The following SEMA5A variants were observed in gnomAD, a reference collection of about 807,000 sequenced individuals.
SEMA5A encodes the protein semaphorin-5A.
SEMA5A carries 55 observed loss-of-function variants against 135.5 expected under a neutral mutation model. That is an observed-to-expected ratio of 0.41 (90% CI 0.33 to 0.51). The LOEUF (loss-of-function observed/expected upper bound fraction) is 0.51, where lower values mean the gene tolerates loss of function less well. Among genes scored for constraint, SEMA5A ranks in the 20% least tolerant of loss-of-function variants. The pLI is 0.37. For missense variants in SEMA5A, 1,290 were observed against 1,419.9 expected, an observed-to-expected ratio of 0.91 and a Z score of 1.47; for synonymous variants, 580 against 546.5, an observed-to-expected ratio of 1.06 and a Z score of -0.85.
chr5:9,432,141 G>T (rs989544205), intron 2 of SEMA5A, among the ~76,000 whole-genome samples: 2 of 149,824 alleles, frequency 1.3e-5, no homozygotes, highest in African/African-American at 4.9e-5. Context: ...TTGGTAAGCG[G>T]AGTGAAATGC....
chr5:9,217,360 C>G, intron 8 of SEMA5A, among the ~76,000 whole-genome samples: 1 of 152,204 alleles, frequency 6.6e-6, no homozygotes, highest in Non-Finnish European at 1.5e-5. Context: ...GAGAGGTCCA[C>G]TGTTAGCCTG....
intron 5 of SEMA5A, among the ~76,000 whole-genome samples, chr5:9,293,308 C>CTGTTGAATATTGAAAATAATA (rs1751178837): frequency 6.6e-6 from 1 of 152,168 alleles, no homozygotes; most frequent in African/African-American, 2.4e-5. Flanking sequence ...ATACTCAAAG[C>CTGTTGAATATTGAAAATAATA]CATCCAGGTA....
intron 18 of SEMA5A, among the ~76,000 whole-genome samples, chr5:9,057,562 C>T (rs1343558996): frequency 6.6e-6 from 1 of 152,186 alleles, no homozygotes; most frequent in African/African-American, 2.4e-5. Flanking sequence ...TATTGTTAAA[C>T]AGAGAGAATG....
rs552407237 is a variant in SEMA5A, at chr5:9,545,060, G to A, written c.-175+524C>T. On this transcript the variant is annotated intron_variant, in intron 1 of 22. Transcript: ENST00000382496. This position sits in a 1 kb window ranked among gnomAD's most constrained non-coding sequence, Gnocchi z 4.5. ...CTTAGTGTCTTTCATTAACCAAGGC[G>A]CTTGGCGGAGTTGAGCCCAAGTCCC... Among the ~76,000 whole-genome samples the A allele has an allele frequency of 1.3e-5, 2 of 152,136 alleles. No homozygotes were observed. The highest frequency in any genetic ancestry group is 2.1e-4 in the South Asian group (1 of 4,834).
intron 2 of SEMA5A, among the ~76,000 whole-genome samples, chr5:9,384,893 A>C (rs1371896384): frequency 6.6e-6 from 1 of 152,224 alleles, no homozygotes; most frequent in Non-Finnish European, 1.5e-5. Context: ...GCAAAATTTC[A>C]AGATATATGA....
At chr5:9,438,240 C>T (rs3798011) in intron 1 of SEMA5A, among the ~76,000 whole-genome samples, 41,312 of 151,916 alleles carry the variant, frequency 0.27, 6,460 homozygotes, top group East Asian at 0.44. Context: ...ACTCATTCCA[C>T]TTTTTGGAAC....
At chr5:9,504,893 T>C (rs1735791964) in intron 1 of SEMA5A, among the ~76,000 whole-genome samples, 1 of 152,254 alleles carries the variant, frequency 6.6e-6, no homozygotes, top group African/African-American at 2.4e-5. Context: ...TTTTTCAATC[T>C]ATCACCTTCT....
intron 8 of SEMA5A, among the ~76,000 whole-genome samples, chr5:9,223,172 T>C (rs1240451051): frequency 6.6e-6 from 1 of 152,218 alleles, no homozygotes; most frequent in Non-Finnish European, 1.5e-5. Context: ...TTCTAGTTAG[T>C]GCTTCAGTTT....
At chr5:9,517,898 G>C (rs1736616663) in intron 1 of SEMA5A, 2 of 152,118 alleles carry the variant, frequency 1.3e-5, no homozygotes, top group Admixed American at 6.6e-5. Context: ...TCTCCCTTCT[G>C]GTCACGGTTT....
chr5:9,484,450 A>C (rs983625328), intron 1 of SEMA5A, among the ~76,000 whole-genome samples: 6 of 152,154 alleles, frequency 3.9e-5, no homozygotes, highest in African/African-American at 1.4e-4. Context: ...GTCAACATCA[A>C]CCCCTTTGAA....
chr5:9,347,599 T>A (rs1753933664), intron 3 of SEMA5A, among the ~76,000 whole-genome samples: 1 of 152,166 alleles, frequency 6.6e-6, no homozygotes, highest in South Asian at 2.1e-4. Flanking sequence ...AATGTATCCA[T>A]AATGTAAATC....
chr5:9,203,936 G>A (rs548374392), intron 8 of SEMA5A, among the ~76,000 whole-genome samples: 45 of 150,178 alleles, frequency 3.0e-4, no homozygotes, highest in Non-Finnish European at 5.9e-4. Context: ...TTACATATCT[G>A]TAACTTGTGT....
At chr5:9,438,051 G>T (rs1163468440) in intron 1 of SEMA5A, among the ~76,000 whole-genome samples, 199 bp from the exon 2 acceptor site, 1 of 152,086 alleles carries the variant, frequency 6.6e-6, no homozygotes, top group Non-Finnish European at 1.5e-5. Context: ...GTGCACTAAT[G>T]GATTCTTTTT....
chr5:9,458,149 C>T (rs1015019123), intron 1 of SEMA5A, among the ~76,000 whole-genome samples: 5 of 151,908 alleles, frequency 3.3e-5, no homozygotes, highest in Non-Finnish European at 7.4e-5. Context: ...CCTCGTGATC[C>T]GCCCGCCTCG....
intron 5 of SEMA5A, among the ~76,000 whole-genome samples, chr5:9,285,150 T>A (rs2150572557): frequency 6.6e-6 from 1 of 152,326 alleles, no homozygotes; most frequent in South Asian, 2.1e-4. Context: ...TTCCACAGTC[T>A]CTTTTTCCTT....
intron 4 of SEMA5A, among the ~76,000 whole-genome samples, chr5:9,334,577 T>C (rs1199108595): frequency 6.6e-6 from 1 of 152,240 alleles, no homozygotes; most frequent in African/African-American, 2.4e-5. Context: ...GGTTATTTTA[T>C]TTCATCTTCG....
intron 16 of SEMA5A, among the ~76,000 whole-genome samples, chr5:9,067,314 G>T (rs1310945547): frequency 6.6e-6 from 1 of 152,094 alleles, no homozygotes; most frequent in Non-Finnish European, 1.5e-5. Context: ...GGTCTGGCAC[G>T]TGGAGATGAT....
intron 2 of SEMA5A, among the ~76,000 whole-genome samples, chr5:9,417,402 C>T (rs1215398869): frequency 6.6e-6 from 1 of 152,192 alleles, no homozygotes; most frequent in Admixed American, 6.5e-5. Context: ...TCACATAAAT[C>T]TGAATTTTTA....
intron 16 of SEMA5A, among the ~76,000 whole-genome samples, chr5:9,086,398 T>A (rs965337112): frequency 6.6e-6 from 1 of 151,974 alleles, no homozygotes; most frequent in African/African-American, 2.4e-5. Flanking sequence ...GAGGTGGGTT[T>A]TTTTCCTGTG....
Sources: gnomAD v4.1 joint callset for allele counts (sites outside exome capture counted in the v4.1 genomes callset) on GRCh38, gnomAD v4.1.1 for gene constraint, Gnocchi (gnomAD v3.1) non-coding constraint, MANE v1.5 for transcripts, NCBI Gene and HGNC (gene_info 2026-07-23, HGNC 2026-07-21) for gene names.